Variants in ACSL1 observed in about 807,000 individuals in gnomAD.
ACSL1 encodes acyl-CoA synthetase long chain family member 1.
A neutral mutation model predicts 98.4 loss-of-function variants in ACSL1; 41 were observed. That is an observed-to-expected ratio of 0.42 (90% confidence interval 0.32 to 0.54). The LOEUF (loss-of-function observed/expected upper bound fraction) is 0.54, where lower values mean the gene tolerates loss of function less well. Ranked by LOEUF, ACSL1 falls within the 20% of genes least tolerant of loss-of-function variation. The probability of loss-of-function intolerance (pLI) is 0.13; values close to 1 mark genes in which losing one functional copy is unlikely to be tolerated. For missense variants in ACSL1, 734 were observed against 883.1 expected, an observed-to-expected ratio of 0.83 and a Z score of 2.14; for synonymous variants, 316 against 322.7, an observed-to-expected ratio of 0.98 and a Z score of 0.22.
chr4:184,785,525 C>T (rs1032769954), intron 3 of ACSL1, among the ~76,000 whole-genome samples: 4 of 142,490 alleles, frequency 2.8e-5, no homozygotes, highest in Non-Finnish European at 6.0e-5. Context: ...AGTGCTGGGT[C>T]TTGCTCTTTT....
chr4:184,768,205 G>C (rs1763917724), intron 12 of ACSL1, 111 bp downstream of exon 12: 1 of 1,150,206 alleles, frequency 8.7e-7, no homozygotes, highest in Admixed American at 3.0e-5. Context: ...CTGTAAGATT[G>C]GGAGGATTGT....
chr4:184,779,141 TG>T (rs980090335), intron 5 of ACSL1, among the ~76,000 whole-genome samples: 5 of 152,356 alleles, frequency 3.3e-5, no homozygotes, highest in South Asian at 2.1e-4. Context: ...TGATATGTTT[TG>T]GCTGTGTCCC....
intron 3 of ACSL1, among the ~76,000 whole-genome samples, chr4:184,787,724 C>T (rs527599222): frequency 1.1e-3 from 165 of 152,142 alleles, no homozygotes; most frequent in African/African-American, 4.0e-3. Flanking sequence ...ATTAGCTGGG[C>T]GTGGTGGTGC....
chr4:184,783,247 G>A (rs1245332087), intron 4 of ACSL1, among the ~76,000 whole-genome samples: 2 of 152,206 alleles, frequency 1.3e-5, no homozygotes, highest in East Asian at 1.9e-4. Context: ...TGTTTCAACA[G>A]CTGTAGCCGT....
In ACSL1 at chr4:184,766,528, C is replaced by G; in HGVS notation, c.1263+94G>C. 1.1e-4 allele frequency: 157 copies of G among 1,442,302 alleles called. No individual in the cohort carries two copies. Among genetic ancestry groups the G allele is most frequent in the Middle Eastern group, 2.4e-4 (1 of 4,104 alleles). The allele number at this position is 1,442,302 out of a possible 1,614,324, so 89.3% of individuals were successfully genotyped here. A position where few individuals can be genotyped will look rare whatever the true frequency, so the allele number is the denominator to read the frequency against. ...CAAAAACATGTTATTCTCTCCCTTA[C>G]CTTCATCTCTCCCTCTCACAAAAAA... On this transcript the variant is annotated intron_variant, in intron 13 of 20. Transcript: ENST00000281455. This position sits in a 1 kb window ranked among gnomAD's most constrained non-coding sequence, Gnocchi z 4.8.
intron 7 of ACSL1, among the ~76,000 whole-genome samples, chr4:184,775,749 A>G (rs540920795): frequency 1.7e-4 from 26 of 152,370 alleles, no homozygotes; most frequent in Non-Finnish European, 2.6e-4. Context: ...AATCCTATCT[A>G]TAACAGTTTC....
intron 10 of ACSL1, among the ~76,000 whole-genome samples, 183 bp downstream of exon 10, chr4:184,772,898 A>G (rs1482987175): frequency 1.3e-5 from 2 of 152,178 alleles, no homozygotes; most frequent in African/African-American, 4.8e-5. Context: ...AGGGTTGGCG[A>G]TTAGGTTCAA....
chr4:184,755,620 T>G lies in ACSL1; in HGVS notation c.*1505A>C, dbSNP rs1360987625. On this transcript the variant is annotated 3_prime_UTR_variant, in exon 21 of 21. Coordinates refer to ENST00000281455, the MANE Select transcript of ACSL1 (RefSeq NM_001995.5). ...TCACCTGAAATGCAGAAATATTTAT[T>G]TTGGTTTCCTTCATTGTTTTTGGAA... is the stretch of plus-strand genomic sequence containing the variant. The G allele has an allele frequency of 1.3e-5, 2 of 152,700 alleles. No homozygotes were observed. The highest frequency in any genetic ancestry group is 1.3e-4 in the Admixed American group (2 of 15,282). The allele number at this position is 152,700 out of a possible 1,614,324, so 9.5% of individuals were successfully genotyped here.
chr4:184,780,163 T>C (rs1765996087), intron 5 of ACSL1, among the ~76,000 whole-genome samples, 169 bp downstream of exon 5: 1 of 152,168 alleles, frequency 6.6e-6, no homozygotes. Context: ...TGAGCCACTG[T>C]GCCCAGCGGC....
At chr4:184,771,368 G>A (rs1023533963) in intron 10 of ACSL1, among the ~76,000 whole-genome samples, 13 of 152,092 alleles carry the variant, frequency 8.5e-5, no homozygotes, top group African/African-American at 3.1e-4. Context: ...TGTTGTTAAG[G>A]GAAAGGAGGA....
At chr4:184,797,915 C>T (rs542034751) in intron 2 of ACSL1, among the ~76,000 whole-genome samples, 22 of 152,306 alleles carry the variant, frequency 1.4e-4, no homozygotes, top group African/African-American at 4.6e-4. Context: ...AAACCCAAAG[C>T]GCCACATCCT....
At chr4:184,791,526 T>A (rs2150390360) in intron 2 of ACSL1, among the ~76,000 whole-genome samples, 1 of 152,334 alleles carries the variant, frequency 6.6e-6, no homozygotes, top group South Asian at 2.1e-4. Flanking sequence ...CAGCAATCTG[T>A]GCTTTAAGAA....
intron 2 of ACSL1, among the ~76,000 whole-genome samples, chr4:184,802,352 G>A (rs1000616288): frequency 5.3e-5 from 8 of 152,146 alleles, no homozygotes; most frequent in Admixed American, 2.6e-4. Context: ...CTCCCTCTGC[G>A]GCAGTCAGCC....
chr4:184,773,949 C>T lies in ACSL1; in HGVS notation c.757-74G>A. ...TAAAGGATAAGGTCACATCGAGTCA[C>T]TTAAAGCTGGCTTTACTGTGGGGTT... On this transcript the variant is annotated intron_variant, in intron 7 of 20. Coordinates refer to ENST00000281455, the MANE Select transcript of ACSL1 (RefSeq NM_001995.5). The surrounding 1 kb of genome is among the most constrained non-coding windows in gnomAD (Gnocchi z 4.3). 1 of 1,561,722 alleles carries T rather than the reference C, an allele frequency of 6.4e-7. No homozygotes were observed. The highest frequency in any genetic ancestry group is 8.8e-7 in the Non-Finnish European group (1 of 1,138,156).
intron 18 of ACSL1, chr4:184,758,866 T>A (rs941224937): frequency 2.6e-5 from 4 of 151,938 alleles, no homozygotes; most frequent in Admixed American, 2.0e-4. Flanking sequence ...TCATTTAACA[T>A]TAGGTATATC....
chr4:184,763,286 T>C (rs1763118451), intron 15 of ACSL1, 31 bp from the exon 16 acceptor site: 2 of 1,594,392 alleles, frequency 1.3e-6, no homozygotes, highest in African/African-American at 2.7e-5. Context: ...TGGTCATTCC[T>C]AAGGGAACTA....
At chr4:184,819,744 C>G (rs1386861498) in intron 1 of ACSL1, among the ~76,000 whole-genome samples, 2 of 152,080 alleles carry the variant, frequency 1.3e-5, no homozygotes, top group Admixed American at 1.3e-4. Context: ...CACCTGGAGC[C>G]TTATGGAGGG....
rs1768861074 is a variant in ACSL1, at chr4:184,793,833, C to CTAA, written c.196-5105_196-5103dup. Among the ~76,000 whole-genome samples, 3 of 152,184 alleles carry CTAA rather than the reference C, an allele frequency of 2.0e-5. No homozygotes were observed. The South Asian group carries it at 6.2e-4, about 31-fold the overall frequency. On this transcript the variant is annotated intron_variant, in intron 2 of 20. Transcript: ENST00000281455. Reference sequence around the variant, plus strand: ...TAAAAATGATTCCTTTTTGTTCCTTCTAATACCTAACATGTGGTCTATACA... The same window carrying CTAA: ...TAAAAATGATTCCTTTTTGTTCCTTCTAATAATACCTAACATGTGGTCTATACA...
chr4:184,782,485 G>C (rs141446403), intron 4 of ACSL1, among the ~76,000 whole-genome samples: 1 of 152,120 alleles, frequency 6.6e-6, no homozygotes, highest in African/African-American at 2.4e-5. Context: ...TGCAATGGAC[G>C]TGTCTTCTCT....
Sources: gnomAD v4.1 joint callset for allele counts (sites outside exome capture counted in the v4.1 genomes callset) on GRCh38, gnomAD v4.1.1 for gene constraint, Gnocchi (gnomAD v3.1) non-coding constraint, MANE v1.5 for transcripts, NCBI Gene and HGNC (gene_info 2026-07-23, HGNC 2026-07-21) for gene names.